Variants in ERCC6L2 observed in about 807,000 individuals in gnomAD.
ERCC6L2 encodes DNA excision repair protein ERCC-6-like 2.
ERCC6L2 carries 77 observed loss-of-function variants against 132.0 expected under a neutral mutation model. The observed-to-expected ratio is 0.58, with a 90% CI of 0.49 to 0.71. The LOEUF is 0.71. ERCC6L2 is among the 30% of genes least tolerant of loss of function. The pLI is 0.00. For missense variants in ERCC6L2, 1,542 were observed against 1,837.6 expected, an observed-to-expected ratio of 0.84 and a Z score of 2.94; for synonymous variants, 583 against 632.4, an observed-to-expected ratio of 0.92 and a Z score of 1.17.
At chr9:95,905,497 A>G (rs947547298) in intron 3 of ERCC6L2, among the ~76,000 whole-genome samples, 3 of 152,226 alleles carry the variant, frequency 2.0e-5, no homozygotes, top group African/African-American at 7.2e-5. Flanking sequence ...CTCAGATGCA[A>G]TTTGCACCTA....
intron 12 of ERCC6L2, among the ~76,000 whole-genome samples, chr9:95,952,376 T>C (rs544930841): frequency 6.2e-4 from 94 of 152,190 alleles, no homozygotes; most frequent in Non-Finnish European, 1.0e-3. Flanking sequence ...AAACTGAATT[T>C]CAGCAGCATA....
chr9:95,915,642 C>T, intron 4 of ERCC6L2, 26 bp from the exon 5 acceptor site: 1 of 1,585,898 alleles, frequency 6.3e-7, no homozygotes, highest in Non-Finnish European at 8.6e-7. Context: ...TTCTCAACCT[C>T]ACCCTTCTTT....
intron 9 of ERCC6L2, among the ~76,000 whole-genome samples, chr9:95,926,430 G>A (rs1424310984): frequency 6.6e-6 from 1 of 152,084 alleles, no homozygotes; most frequent in African/African-American, 2.4e-5. Flanking sequence ...GCCATACTGT[G>A]GAGTACTATT....
chr9:96,033,082 T>C (rs1478350141), intron 19 of ERCC6L2, among the ~76,000 whole-genome samples: 1 of 152,220 alleles, frequency 6.6e-6, no homozygotes, highest in African/African-American at 2.4e-5. Flanking sequence ...TATTTGCTTA[T>C]CTACCAAATT....
At chr9:95,993,289 G>C (rs1254304869) in intron 17 of ERCC6L2, among the ~76,000 whole-genome samples, 1 of 152,200 alleles carries the variant, frequency 6.6e-6, no homozygotes, top group Admixed American at 6.5e-5. Context: ...CTGCTATCTG[G>C]AAAGGCTTCT....
chr9:95,891,593 CTTT>C (rs201492696), intron 2 of ERCC6L2, among the ~76,000 whole-genome samples: 1 of 136,966 alleles, frequency 7.3e-6, no homozygotes. Flanking sequence ...TTCAGTGTTT[CTTT>C]TTTTTTTTTT....
At chr9:95,883,379 T>C (rs2132525094) in intron 2 of ERCC6L2, among the ~76,000 whole-genome samples, 1 of 152,338 alleles carries the variant, frequency 6.6e-6, no homozygotes, top group Non-Finnish European at 1.5e-5. Context: ...GCAGCAGGTC[T>C]TAGACCGAAC....
At chr9:95,881,587 C>A (rs1026449618) in intron 2 of ERCC6L2, among the ~76,000 whole-genome samples, 1 of 152,168 alleles carries the variant, frequency 6.6e-6, no homozygotes, top group Admixed American at 6.5e-5. Flanking sequence ...TATTTGAAGT[C>A]ATTTAACTTT....
At chr9:95,918,870 G>A (rs56379566) in intron 6 of ERCC6L2, among the ~76,000 whole-genome samples, 14,566 of 151,936 alleles carry the variant, frequency 0.096, 798 homozygotes, top group Admixed American at 0.14. Flanking sequence ...TACAAATTGT[G>A]TCTGTTTTTT....
chr9:95,884,415 T>C (rs1827755569), intron 2 of ERCC6L2, among the ~76,000 whole-genome samples: 1 of 152,182 alleles, frequency 6.6e-6, no homozygotes, highest in South Asian at 2.1e-4. Context: ...TTTCAGAATG[T>C]AGTAAAATTA....
intron 17 of ERCC6L2, among the ~76,000 whole-genome samples, chr9:95,991,699 T>C (rs894843486): frequency 6.6e-6 from 1 of 152,194 alleles, no homozygotes; most frequent in Non-Finnish European, 1.5e-5. Context: ...CAATACGTAT[T>C]TTTCTGATAA....
Position 95,970,566 on chromosome 9 carries a change from G to A in ERCC6L2, c.2101-10G>A, listed in dbSNP as rs1327824700. ...ATAGCTATTTGCATTCTTTCTTACT[G>A]ACATTATAGAGAGAAGGCCAAGTAG... On this transcript the variant is annotated splice_polypyrimidine_tract_variant and intron_variant, in intron 14 of 18. Transcript: ENST00000653738. The A allele has an allele frequency of 4.6e-6, 6 of 1,299,526 alleles. No individual in the cohort carries two copies. The highest frequency in any genetic ancestry group is 1.2e-5 in the South Asian group (1 of 80,394). 80.5% of individuals were successfully genotyped at this position (1,299,526 alleles called of 1,614,324 possible). A position where few individuals can be genotyped will look rare whatever the true frequency, so the allele number is the denominator to read the frequency against.
chr9:95,890,500 T>C (rs140517463), intron 2 of ERCC6L2, among the ~76,000 whole-genome samples: 89 of 152,326 alleles, frequency 5.8e-4, no homozygotes, highest in African/African-American at 1.8e-3. Flanking sequence ...CATGCGAATT[T>C]TGTTAGAATA....
At position 95,978,213 on chromosome 9, in the gene ERCC6L2, A is replaced by G. The variant is rs559622057; in HGVS notation, c.3490A>G (p.Lys1164Glu). ...LPANIAVCSS[K>E]TYKEKVDADT... Reference sequence around the variant, plus strand: ...TGCTAACATAGCTGTTTGCAGTTCTAAGGTAAGAAAAATATAGGGTAGTAT... The same window carrying G: ...TGCTAACATAGCTGTTTGCAGTTCTGAGGTAAGAAAAATATAGGGTAGTAT... Residue 1164 changes from lysine (K) to glutamate (E), a missense_variant and splice_region_variant, in exon 17 of 19, where the codon AAG becomes GAG. Lys to Glu is a moderately conservative substitution (Grantham distance 56, BLOSUM62 1). This residue lies in a region of ERCC6L2 where 442 missense variants were observed against 583.4 expected (regional missense o/e 0.76). Coordinates refer to ENST00000653738, the MANE Select transcript of ERCC6L2 (RefSeq NM_020207.7). The G allele has an allele frequency of 7.3e-7, 1 of 1,361,202 alleles. No homozygotes were observed. Among genetic ancestry groups the G allele is most frequent in the South Asian group, 1.1e-5 (1 of 87,078 alleles). The allele number at this position is 1,361,202 out of a possible 1,614,324, so 84.3% of individuals were successfully genotyped here.
intron 12 of ERCC6L2, among the ~76,000 whole-genome samples, chr9:95,951,350 A>T (rs939842628): frequency 3.3e-5 from 5 of 152,314 alleles, no homozygotes; most frequent in African/African-American, 1.2e-4. Context: ...TGCTTACATT[A>T]AAAAAGAATA....
intron 17 of ERCC6L2, among the ~76,000 whole-genome samples, chr9:95,986,520 A>C (rs1833102381): frequency 7.7e-6 from 1 of 130,176 alleles, no homozygotes; most frequent in African/African-American, 2.9e-5. Context: ...TTTTTTTGAG[A>C]CAAAGTCTTG....
intron 13 of ERCC6L2, among the ~76,000 whole-genome samples, chr9:95,961,936 A>G (rs1450326005): frequency 6.6e-6 from 1 of 152,132 alleles, no homozygotes; most frequent in Non-Finnish European, 1.5e-5. Flanking sequence ...AGACTTATTC[A>G]CTACCACGAG....
rs951961089 is a variant in ERCC6L2 at position 96,018,344 on chromosome 9, A to G, written c.*5141A>G. ...TTTGATGTATGTGAGATTGCTGACT[A>G]TATTTTACTTATCAATTTGAAATTA... On this transcript the variant is annotated 3_prime_UTR_variant, in exon 19 of 19. Transcript: ENST00000653738. 2.0e-5 allele frequency among the ~76,000 whole-genome samples: 3 copies of G among 152,230 alleles called. No homozygotes were observed. Among genetic ancestry groups the G allele is most frequent in the East Asian group, 1.9e-4 (1 of 5,206 alleles).
intron 19 of ERCC6L2, among the ~76,000 whole-genome samples, chr9:96,027,503 G>A (rs1293533047): frequency 6.6e-6 from 1 of 152,150 alleles, no homozygotes; most frequent in Non-Finnish European, 1.5e-5. Context: ...CTGGGAGAAG[G>A]CGGCCCGGTT....
Sources: gnomAD v4.1 joint callset for allele counts (sites outside exome capture counted in the v4.1 genomes callset) on GRCh38, gnomAD v4.1.1 for gene constraint, gnomAD v4.1.1 regional missense constraint, MANE v1.5 for transcripts, NCBI Gene and HGNC (gene_info 2026-07-23, HGNC 2026-07-21) for gene names.